KANK1: variants seen among roughly 807,000 people sequenced by gnomAD.
The protein encoded by KANK1 is KN motif and ankyrin repeat domain-containing protein 1.
A neutral mutation model predicts 106.2 loss-of-function variants in KANK1; 109 were observed. The observed-to-expected ratio is 1.03, with a 90% CI of 0.88 to 1.20. The LOEUF is 1.20. KANK1 is among the 50% of genes most tolerant of loss of function. KANK1 has a pLI of 0.00. For synonymous variants in KANK1, 873 were observed against 652.2 expected (o/e 1.34, Z -5.16); for missense variants, 2,399 against 1,710.7 (o/e 1.40, Z -7.10).
At chr9:667,794 G>A (rs896102103) in intron 1 of KANK1, among the ~76,000 whole-genome samples, 1 of 147,874 alleles carries the variant, frequency 6.8e-6, no homozygotes. Flanking sequence ...AGGCTGGAGT[G>A]CAGTGGTGCA....
In KANK1 at chr9:598,156, G is replaced by C. The variant is rs142978307; in HGVS notation, c.-83-78734G>C. ...CCATTTGAATGGTCTTTGTACCCTT[G>C]TTAAAAATCTATTGGCCATATATGT... On this transcript the variant is annotated intron_variant, in intron 1 of 11. Coordinates refer to ENST00000382297, the MANE Select transcript of KANK1 (RefSeq NM_015158.5). Among the ~76,000 whole-genome samples, 148 of 151,732 alleles carry C rather than the reference G, an allele frequency of 9.8e-4. 6 individuals carry two copies. Among genetic ancestry groups the C allele is most frequent in the African/African-American group, 3.5e-3 (144 of 41,126 alleles).
At chr9:602,835 G>C (rs550399099) in intron 1 of KANK1, among the ~76,000 whole-genome samples, 17 of 151,954 alleles carry the variant, frequency 1.1e-4, no homozygotes, top group African/African-American at 4.1e-4. Flanking sequence ...ATCTTGTTTA[G>C]ATGAGATTCC....
intron 1 of KANK1, among the ~76,000 whole-genome samples, chr9:517,801 T>C (rs868858260): frequency 1.3e-5 from 2 of 148,544 alleles, no homozygotes; most frequent in South Asian, 4.3e-4. Context: ...TAAAGTGGCG[T>C]GATCTCGGCT....
At chr9:697,528 A>G (rs1036648864) in intron 2 of KANK1, among the ~76,000 whole-genome samples, 1 of 152,124 alleles carries the variant, frequency 6.6e-6, no homozygotes, top group African/African-American at 2.4e-5. Context: ...CTGAGACGAC[A>G]TCAGTATCTT....
At chr9:697,916 T>C (rs1821710451) in intron 2 of KANK1, among the ~76,000 whole-genome samples, 2 of 152,172 alleles carry the variant, frequency 1.3e-5, no homozygotes, top group South Asian at 4.1e-4. Flanking sequence ...GATATGTATT[T>C]ATCTCAGACA....
intron 1 of KANK1, among the ~76,000 whole-genome samples, chr9:591,922 A>ATGC (rs1563822513): frequency 1.3e-5 from 2 of 151,364 alleles, no homozygotes; most frequent in African/African-American, 4.9e-5. Flanking sequence ...GCCTCTGAAA[A>ATGC]TGCTGGGATT....
intron 2 of KANK1, among the ~76,000 whole-genome samples, chr9:702,695 A>G (rs758468859): frequency 1.3e-5 from 2 of 152,078 alleles, no homozygotes; most frequent in African/African-American, 4.8e-5. Context: ...CGCACGCACA[A>G]TTGTCAAGAC....
chr9:592,496 T>C lies in KANK1; in HGVS notation c.-83-84394T>C, dbSNP rs1175900151. On this transcript the variant is annotated intron_variant, in intron 1 of 11. Transcript: ENST00000382297. ...TGAGCACCCCGATCCCCTAGTCCGC[T>C]CTTTCACTGGATACCTGTGTCTAAG... Among the ~76,000 whole-genome samples the C allele has an allele frequency of 2.0e-5, 3 of 151,826 alleles. No homozygotes were observed. In the East Asian group the frequency reaches 5.8e-4, roughly 29 times the overall value.
intron 3 of KANK1, among the ~76,000 whole-genome samples, chr9:715,864 C>T (rs891031045): frequency 2.0e-5 from 3 of 152,120 alleles, no homozygotes; most frequent in African/African-American, 4.8e-5. Context: ...TGGCATTTGT[C>T]ATGTGGACTG....
At position 711,770 on chromosome 9, in the gene KANK1, T is replaced by A; in HGVS notation, c.1004T>A (p.Leu335His). ...SAGNASQLEQ[L>H]SRARRSGGEL... is the part of the protein sequence containing the mutation. Reference sequence around the variant, plus strand: ...GGGAACGCCTCCCAGCTGGAACAGCTCTCCCGGGCCCGAAGAAGTGGCGGG... The same window carrying A: ...GGGAACGCCTCCCAGCTGGAACAGCACTCCCGGGCCCGAAGAAGTGGCGGG... Residue 335 changes from leucine to histidine, a missense_variant, in exon 3 of 12, where the codon CTC (leucine) becomes CAC (histidine). Coordinates refer to ENST00000382297, the MANE Select transcript of KANK1 (RefSeq NM_015158.5). 1 of 1,614,006 alleles carries A rather than the reference T, an allele frequency of 6.2e-7. No individual in the cohort carries two copies. The highest frequency in any genetic ancestry group is 8.5e-7 in the Non-Finnish European group (1 of 1,179,988).
chr9:744,270 T>G (rs935409352), intron 10 of KANK1, among the ~76,000 whole-genome samples: 2 of 152,334 alleles, frequency 1.3e-5, no homozygotes, highest in South Asian at 4.1e-4. Context: ...AAGATAATCC[T>G]CTTAACTGGG....
chr9:553,431 C>G (rs183684313), intron 1 of KANK1, among the ~76,000 whole-genome samples: 53 of 152,200 alleles, frequency 3.5e-4, no homozygotes, highest in African/African-American at 1.1e-3. Flanking sequence ...GAAACTGAGG[C>G]TTAAAGTGGC....
chr9:709,372 C>G (rs1462888843), intron 2 of KANK1, among the ~76,000 whole-genome samples: 1 of 152,180 alleles, frequency 6.6e-6, no homozygotes, highest in African/African-American at 2.4e-5. Context: ...TAGTCAGGAG[C>G]TGAGTGCCCT....
At chr9:601,287 C>G (rs925081165) in intron 1 of KANK1, among the ~76,000 whole-genome samples, 18 of 151,798 alleles carry the variant, frequency 1.2e-4, no homozygotes, top group African/African-American at 4.4e-4. Flanking sequence ...TCCAGCTAAA[C>G]AACAGACCTT....
chr9:478,082 C>G, intron 3 of KANK1: 1 of 214,284 alleles, frequency 4.7e-6, no homozygotes, highest in South Asian at 7.2e-5. Context: ...GTGGTACTTT[C>G]TGCCTCTGCC....
At chr9:547,980 G>A (rs1799230764) in intron 1 of KANK1, among the ~76,000 whole-genome samples, 2 of 152,142 alleles carry the variant, frequency 1.3e-5, no homozygotes, top group African/African-American at 4.8e-5. Context: ...ACTGCAGGAA[G>A]TGTTGATAAA....
chr9:732,337 G>T, intron 5 of KANK1, 41 bp from the exon 6 acceptor site: 1 of 1,583,462 alleles, frequency 6.3e-7, no homozygotes, highest in South Asian at 1.1e-5. Flanking sequence ...GGGTCTTCGT[G>T]AGCACACCTT....
intron 3 of KANK1, among the ~76,000 whole-genome samples, chr9:477,147 C>A (rs148174040): frequency 4.6e-5 from 7 of 152,058 alleles, no homozygotes; most frequent in Non-Finnish European, 4.4e-5. Flanking sequence ...GATAAAGTAA[C>A]GGACATTATG....
At chr9:476,844 T>G (rs2058113433) in intron 3 of KANK1, 1 of 152,228 alleles carries the variant, frequency 6.6e-6, no homozygotes, top group African/African-American at 2.4e-5. Flanking sequence ...GTTTTAAAGT[T>G]GCAGCATTTG....
Sources: allele counts gnomAD v4.1 joint callset (sites outside exome capture counted in the v4.1 genomes callset), GRCh38; gene constraint gnomAD v4.1.1; transcripts MANE v1.5; gene names NCBI Gene and HGNC (gene_info 2026-07-23, HGNC 2026-07-21).